Variants in CDH12 observed in about 807,000 individuals in gnomAD.
CDH12 encodes the protein cadherin-12.
CDH12 carries 41 observed loss-of-function variants against 74.1 expected under a neutral mutation model. The observed-to-expected ratio is 0.55, with a 90% confidence interval of 0.43 to 0.72. The LOEUF is 0.72. Among genes scored for constraint, CDH12 ranks in the 30% least tolerant of loss-of-function variants. The pLI, the probability that CDH12 is intolerant of heterozygous loss-of-function variation, is 0.00. For missense variants in CDH12, 945 were observed against 977.2 expected, an observed-to-expected ratio of 0.97 and a Z score of 0.44; for synonymous variants, 399 against 355.0, an observed-to-expected ratio of 1.12 and a Z score of -1.39.
chr5:21,795,065 CCATAT>C (rs985482169), intron 10 of CDH12, among the ~76,000 whole-genome samples: 1 of 151,498 alleles, frequency 6.6e-6, no homozygotes, highest in African/African-American at 2.4e-5. Context: ...TTTGAGACCT[CCATAT>C]CATATCTATT....
chr5:21,815,309 A>G (rs368823130), intron 9 of CDH12, among the ~76,000 whole-genome samples: 1 of 152,136 alleles, frequency 6.6e-6, no homozygotes, highest in Non-Finnish European at 1.5e-5. Flanking sequence ...AAAATTCTTC[A>G]AAATGGAGTG....
At chr5:22,660,905 A>T (rs533576450) in intron 1 of CDH12, among the ~76,000 whole-genome samples, 1 of 152,224 alleles carries the variant, frequency 6.6e-6, no homozygotes, top group Non-Finnish European at 1.5e-5. Context: ...ACATTCATTG[A>T]TTAAAAACAC....
intron 1 of CDH12, among the ~76,000 whole-genome samples, chr5:22,733,356 TA>T (rs556830480): frequency 1.4e-4 from 22 of 151,774 alleles, no homozygotes; most frequent in Non-Finnish European, 2.9e-4. Context: ...AAAACTACGT[TA>T]AAAAAGGAGC....
At chr5:22,538,548 A>G (rs981923782) in intron 1 of CDH12, among the ~76,000 whole-genome samples, 3 of 152,204 alleles carry the variant, frequency 2.0e-5, no homozygotes, top group African/African-American at 7.2e-5. Flanking sequence ...CAGTGTGAAC[A>G]ACCAAAATTG....
At chr5:22,749,841 G>T (rs950225831) in intron 1 of CDH12, among the ~76,000 whole-genome samples, 4 of 152,124 alleles carry the variant, frequency 2.6e-5, no homozygotes, top group African/African-American at 9.7e-5. Context: ...CTGTAAATAG[G>T]CAGTACATTC....
intron 3 of CDH12, among the ~76,000 whole-genome samples, chr5:22,273,150 A>G (rs1736476785): frequency 6.6e-6 from 1 of 152,200 alleles, no homozygotes; most frequent in Non-Finnish European, 1.5e-5. Context: ...GTGGGGACAC[A>G]GAGTCAGACC....
chr5:22,038,288 C>G (rs1739325670), intron 5 of CDH12, among the ~76,000 whole-genome samples: 1 of 152,142 alleles, frequency 6.6e-6, no homozygotes, highest in Non-Finnish European at 1.5e-5. Context: ...GGCAATAGAC[C>G]CTACCCTGTG....
intron 5 of CDH12, among the ~76,000 whole-genome samples, chr5:21,996,250 C>T (rs3111153): frequency 1.3e-5 from 2 of 151,802 alleles, no homozygotes; most frequent in African/African-American, 2.4e-5. Context: ...GATCGGCCCT[C>T]GCCATGCCAG....
chr5:22,338,076 C>A (rs1159085916), intron 3 of CDH12, among the ~76,000 whole-genome samples: 1 of 151,934 alleles, frequency 6.6e-6, no homozygotes, highest in African/African-American at 2.4e-5. Context: ...GGGTATATAT[C>A]CAAAAGACAG....
At chr5:22,390,192 T>C (rs2126415070) in intron 3 of CDH12, among the ~76,000 whole-genome samples, 1 of 152,240 alleles carries the variant, frequency 6.6e-6, no homozygotes, top group South Asian at 2.1e-4. Flanking sequence ...GAGGATGTGC[T>C]TATTATGAGA....
intron 1 of CDH12, among the ~76,000 whole-genome samples, chr5:22,833,018 C>G (rs560746013): frequency 6.6e-5 from 10 of 152,204 alleles, no homozygotes; most frequent in African/African-American, 2.2e-4. Context: ...TATTCCCCAG[C>G]CAAGTGCTCT....
chr5:22,415,984 T>C (rs1001177535), intron 2 of CDH12, among the ~76,000 whole-genome samples: 4 of 150,556 alleles, frequency 2.7e-5, no homozygotes, highest in Admixed American at 6.6e-5. Flanking sequence ...CCAGATTATA[T>C]AGTTGTGGAA....
intron 2 of CDH12, among the ~76,000 whole-genome samples, chr5:22,435,468 AC>A: frequency 6.8e-6 from 1 of 147,868 alleles, no homozygotes; most frequent in East Asian, 2.0e-4. Context: ...ATGTGTGTGT[AC>A]ACACACATAT....
chr5:22,499,574 C>G (rs1377748588), intron 2 of CDH12, among the ~76,000 whole-genome samples: 1 of 152,110 alleles, frequency 6.6e-6, no homozygotes, highest in Non-Finnish European at 1.5e-5. Flanking sequence ...TCAAAGAATA[C>G]ATACTTAATC....
chr5:22,592,345 T>C (rs1409576892), intron 1 of CDH12, among the ~76,000 whole-genome samples: 1 of 152,110 alleles, frequency 6.6e-6, no homozygotes, highest in Non-Finnish European at 1.5e-5. Flanking sequence ...TTCTTTCCTC[T>C]CTTCTCTCAA....
intron 4 of CDH12, among the ~76,000 whole-genome samples, chr5:22,170,231 A>G (rs1748940304): frequency 6.6e-6 from 1 of 151,892 alleles, no homozygotes. Context: ...TGAAGATATC[A>G]ATATTCAAAG....
intron 5 of CDH12, among the ~76,000 whole-genome samples, chr5:22,008,167 G>A (rs924664746): frequency 5.3e-5 from 8 of 152,042 alleles, no homozygotes; most frequent in Non-Finnish European, 7.4e-5. Flanking sequence ...CCCTGCTTTC[G>A]GAATTATGAG....
intron 2 of CDH12, among the ~76,000 whole-genome samples, chr5:22,440,683 G>T (rs1224811731): frequency 6.6e-6 from 1 of 152,000 alleles, no homozygotes; most frequent in East Asian, 1.9e-4. Flanking sequence ...CTTGGTTCCT[G>T]TCCTCATGTC....
intron 5 of CDH12, among the ~76,000 whole-genome samples, chr5:22,071,113 A>G (rs1043752847): frequency 7.2e-5 from 11 of 152,180 alleles, no homozygotes; most frequent in African/African-American, 2.4e-4. Flanking sequence ...GGTCCTGCAC[A>G]TGTATCCTGG....
Sources: allele counts gnomAD v4.1 joint callset (sites outside exome capture counted in the v4.1 genomes callset), GRCh38; gene constraint gnomAD v4.1.1; transcripts MANE v1.5; gene names NCBI Gene and HGNC (gene_info 2026-07-23, HGNC 2026-07-21).